The following ARHGAP24 variants were observed in gnomAD, a reference collection of about 807,000 sequenced individuals.
ARHGAP24 encodes rho GTPase-activating protein 24.
A neutral mutation model predicts 76.4 loss-of-function variants in ARHGAP24; 50 were observed. The observed-to-expected ratio is 0.65, with a 90% CI of 0.52 to 0.83. ARHGAP24 has a LOEUF of 0.83. Ranked by LOEUF, ARHGAP24 falls within the 40% of genes least tolerant of loss-of-function variation. The pLI is 0.00. For missense variants in ARHGAP24, 930 were observed against 914.2 expected, an observed-to-expected ratio of 1.02 and a Z score of -0.22; for synonymous variants, 345 against 323.3, an observed-to-expected ratio of 1.07 and a Z score of -0.72.
chr4:85,989,974 A>G (rs1236895240), intron 8 of ARHGAP24: 1 of 151,740 alleles, frequency 6.6e-6, no homozygotes, highest in Non-Finnish European at 1.5e-5. Context: ...TAATAAATAA[A>G]AGGTATAAAA....
At chr4:85,629,192 T>C (rs1721074652) in intron 2 of ARHGAP24, among the ~76,000 whole-genome samples, 1 of 152,178 alleles carries the variant, frequency 6.6e-6, no homozygotes, top group South Asian at 2.1e-4. Context: ...TAACAGTCTA[T>C]TGCTAGCTTA....
intron 5 of ARHGAP24, among the ~76,000 whole-genome samples, chr4:85,958,155 TAC>T (rs1330859594): frequency 6.6e-6 from 1 of 152,216 alleles, no homozygotes; most frequent in Non-Finnish European, 1.5e-5. Flanking sequence ...TGCCACTTAC[TAC>T]CCATGTTAAT....
chr4:85,535,797 A>G (rs1216470005), intron 1 of ARHGAP24, among the ~76,000 whole-genome samples: 2 of 152,152 alleles, frequency 1.3e-5, no homozygotes, highest in Non-Finnish European at 1.5e-5. Context: ...CGGTATTCCT[A>G]AGTTATGGCT....
chr4:85,644,574 T>C (rs1281014439), intron 2 of ARHGAP24, among the ~76,000 whole-genome samples: 2 of 152,080 alleles, frequency 1.3e-5, no homozygotes, highest in African/African-American at 4.8e-5. Context: ...TAGAGATAAC[T>C]AAACTGATGG....
chr4:85,655,818 A>AGAGAG (rs1237643654), intron 2 of ARHGAP24, among the ~76,000 whole-genome samples: 9 of 35,510 alleles, frequency 2.5e-4, no homozygotes, highest in South Asian at 7.7e-4. Context: ...GAGAGAGAGA[A>AGAGAG]AGAGAGAGAG....
intron 3 of ARHGAP24, among the ~76,000 whole-genome samples, chr4:85,917,571 T>C (rs960754794): frequency 6.6e-6 from 1 of 152,140 alleles, no homozygotes; most frequent in Non-Finnish European, 1.5e-5. Flanking sequence ...CTCTCCAACA[T>C]CTGTTGTTTC....
Position 85,868,977 on chromosome 4 carries a change from A to G in ARHGAP24, c.269-54671A>G, listed in dbSNP as rs141487438. Among the ~76,000 whole-genome samples, 449 of 152,066 alleles carry G rather than the reference A, an allele frequency of 3.0e-3. 3 individuals are homozygous for G. Among genetic ancestry groups the G allele is most frequent in the African/African-American group, 0.01 (429 of 41,494 alleles). Reference sequence around the variant, plus strand: ...TAGTTGTATGTATTTTGTATATCATATATCTATCATACTTGTATATCTTTT... The same window carrying G: ...TAGTTGTATGTATTTTGTATATCATGTATCTATCATACTTGTATATCTTTT... On this transcript the variant is annotated intron_variant, in intron 3 of 9. Transcript: ENST00000395184.
At chr4:85,719,611 A>G (rs1685255789) in intron 2 of ARHGAP24, among the ~76,000 whole-genome samples, 1 of 152,240 alleles carries the variant, frequency 6.6e-6, no homozygotes, top group African/African-American at 2.4e-5. Flanking sequence ...TTTTGAGTTC[A>G]GCACACTTAG....
intron 3 of ARHGAP24, among the ~76,000 whole-genome samples, chr4:85,886,680 A>G (rs1191044104): frequency 6.6e-6 from 1 of 152,206 alleles, no homozygotes; most frequent in Non-Finnish European, 1.5e-5. Flanking sequence ...AAATAAGTGA[A>G]TACATTAAAC....
chr4:85,840,526 G>A (rs938898689), intron 3 of ARHGAP24, among the ~76,000 whole-genome samples: 27 of 152,216 alleles, frequency 1.8e-4, no homozygotes, highest in African/African-American at 6.0e-4. Flanking sequence ...GTCTCCTTCC[G>A]TATTAATTGT....
At chr4:85,657,901 C>T (rs538667789) in intron 2 of ARHGAP24, among the ~76,000 whole-genome samples, 1 of 152,102 alleles carries the variant, frequency 6.6e-6, no homozygotes, top group African/African-American at 2.4e-5. Context: ...GCCACAGGTG[C>T]GTGCCACCAT....
intron 2 of ARHGAP24, among the ~76,000 whole-genome samples, chr4:85,717,506 G>A (rs900731700): frequency 1.3e-5 from 2 of 152,056 alleles, no homozygotes; most frequent in Non-Finnish European, 2.9e-5. Context: ...CCTAGGCTTA[G>A]AATTTCTACA....
intron 2 of ARHGAP24, among the ~76,000 whole-genome samples, chr4:85,595,073 C>T (rs1041298199): frequency 6.6e-6 from 1 of 151,992 alleles, no homozygotes; most frequent in African/African-American, 2.4e-5. Context: ...TCCCTTTTCT[C>T]CCAGGCTTGG....
chr4:85,485,377 ATATAT>A (rs1369286002), intron 1 of ARHGAP24, among the ~76,000 whole-genome samples: 128 of 10,364 alleles, frequency 0.012, 7 homozygotes, highest in East Asian at 0.033. Context: ...AAAAAAAAAA[ATATAT>A]ATATATATAT....
At chr4:85,804,476 A>G (rs1728708505) in intron 3 of ARHGAP24, among the ~76,000 whole-genome samples, 1 of 152,170 alleles carries the variant, frequency 6.6e-6, no homozygotes, top group Non-Finnish European at 1.5e-5. Context: ...TGTTAACTGA[A>G]AGGAGGTCAT....
At chr4:85,527,173 G>A (rs1056820407) in intron 1 of ARHGAP24, among the ~76,000 whole-genome samples, 2 of 152,110 alleles carry the variant, frequency 1.3e-5, no homozygotes, top group Non-Finnish European at 2.9e-5. Context: ...AAGGGACAAT[G>A]CTGTCTTTTC....
intron 3 of ARHGAP24, 161 bp downstream of exon 3, chr4:85,722,133 G>A (rs765669995): frequency 4.7e-6 from 3 of 635,774 alleles, no homozygotes; most frequent in Non-Finnish European, 8.4e-6. Flanking sequence ...TTATATACTA[G>A]TACAAATGAA....
intron 3 of ARHGAP24, among the ~76,000 whole-genome samples, chr4:85,872,603 T>G (rs892336613): frequency 2.1e-5 from 3 of 141,150 alleles, no homozygotes; most frequent in Admixed American, 1.4e-4. Context: ...GCCTTTTTTT[T>G]TTTTTTTTTT....
At chr4:85,828,465 T>C (rs1729826815) in intron 3 of ARHGAP24, among the ~76,000 whole-genome samples, 1 of 151,996 alleles carries the variant, frequency 6.6e-6, no homozygotes. Flanking sequence ...GTGTAATTGC[T>C]TGTCAAAATG....
Sources: allele counts gnomAD v4.1 joint callset (sites outside exome capture counted in the v4.1 genomes callset), GRCh38; gene constraint gnomAD v4.1.1; transcripts MANE v1.5; gene names NCBI Gene and HGNC (gene_info 2026-07-23, HGNC 2026-07-21).